The following MGST1 variants were observed in gnomAD, a reference collection of about 807,000 sequenced individuals.
MGST1 encodes the protein microsomal glutathione S-transferase 1.
Under a neutral mutation model 8.9 loss-of-function variants are expected in MGST1, and 5 were observed. The ratio of observed to expected loss-of-function variants is 0.56; its 90% confidence interval spans 0.29 to 1.19. The LOEUF is 1.19. MGST1 is among the 50% of genes most tolerant of loss of function. MGST1 has a pLI of 0.08. For missense variants in MGST1, 182 were observed against 187.4 expected, an observed-to-expected ratio of 0.97 and a Z score of 0.17; for synonymous variants, 54 against 67.8, an observed-to-expected ratio of 0.80 and a Z score of 1.00.
chr12:16,442,815 T>G (rs564330852), downstream of MGST1, among the ~76,000 whole-genome samples: 13 of 151,800 alleles, frequency 8.6e-5, no homozygotes, highest in Admixed American at 3.9e-4. This position sits in a 1 kb window ranked among gnomAD's most constrained non-coding sequence, Gnocchi z 4.5. Context: ...GGTCTGCTTG[T>G]TTTTATCAGT....
downstream of MGST1, among the ~76,000 whole-genome samples, chr12:16,441,917 A>C (rs1353289837): frequency 1.3e-5 from 2 of 151,828 alleles, no homozygotes; most frequent in Non-Finnish European, 2.9e-5. Flanking sequence ...CTGTCTTGCA[A>C]AGTGGCTGTA....
chr12:16,467,455 CATATT>C (rs1404398379), intron 4 of MGST1, among the ~76,000 whole-genome samples: 3 of 152,132 alleles, frequency 2.0e-5, no homozygotes, highest in African/African-American at 7.2e-5. Context: ...AACTGTGACT[CATATT>C]ATACAGAACT....
In MGST1 at chr12:16,494,563, T is replaced by A. The variant is rs1941458421; in HGVS notation, n.483-94965T>A. On this transcript the variant is annotated intron_variant and non_coding_transcript_variant, in intron 4 of 4. Transcript: ENST00000538857. ...ACATTGACAAAATGTTTAATTAACA[T>A]TTAGTTATAATTAAAGTTATATAAA... Among the ~76,000 whole-genome samples the A allele has an allele frequency of 3.3e-5, 5 of 152,286 alleles. No homozygotes were observed. The South Asian group carries it at 8.3e-4, about 25-fold the overall frequency.
Position 16,582,743 on chromosome 12 carries a change from C to T in MGST1, n.483-6785C>T, listed in dbSNP as rs73322838. 3.2e-3 allele frequency among the ~76,000 whole-genome samples: 490 copies of T among 152,214 alleles called. No individual in the cohort carries two copies. Among genetic ancestry groups the T allele is most frequent in the African/African-American group, 0.011 (437 of 41,534 alleles). On this transcript the variant is annotated intron_variant and non_coding_transcript_variant, in intron 4 of 4. Coordinates refer to the MGST1 transcript ENST00000538857. This position sits in a 1 kb window ranked among gnomAD's most constrained non-coding sequence, Gnocchi z 4.1. ...TTTTAAGTATCTGATTGGGATGAGACGCCCAGAAAAGAATCAGAACTAGGC... is the reference window on the plus strand; with the variant it reads ...TTTTAAGTATCTGATTGGGATGAGATGCCCAGAAAAGAATCAGAACTAGGC...
At chr12:16,414,605 CG>C (rs1368135003) in intron 1 of MGST1, among the ~76,000 whole-genome samples, 1 of 151,406 alleles carries the variant, frequency 6.6e-6, no homozygotes, top group Non-Finnish European at 1.5e-5. Context: ...TTAGTAGAGA[CG>C]GGGTTTCATC....
Position 16,485,085 on chromosome 12 carries a change from C to G in MGST1, n.482+101481C>G, listed in dbSNP as rs145123926. ...AGTTGTTTTCAAACATTATTGTATT[C>G]CCTCAGCTGTCATTTACTCTGTTGA... On this transcript the variant is annotated intron_variant and non_coding_transcript_variant, in intron 4 of 4. Coordinates refer to the MGST1 transcript ENST00000538857. Among the ~76,000 whole-genome samples, 446 of 152,294 alleles carry G rather than the reference C, an allele frequency of 2.9e-3. 2 individuals carry two copies. Among genetic ancestry groups the G allele is most frequent in the Middle Eastern group, 0.014 (4 of 294 alleles).
rs1565473789 is a variant in MGST1, at chr12:16,548,366, A to G, written n.483-41162A>G. On this transcript the variant is annotated intron_variant and non_coding_transcript_variant, in intron 4 of 4. Transcript: ENST00000538857. The surrounding 1 kb of genome is among the most constrained non-coding windows in gnomAD (Gnocchi z 4.2). ...TCTTAAATTTTGCCAATTAAGTGCAATCAAATAGTGTAACACCCCTTTTAT... is the reference window on the plus strand; with the variant it reads ...TCTTAAATTTTGCCAATTAAGTGCAGTCAAATAGTGTAACACCCCTTTTAT... 2 of 152,118 alleles carry G rather than the reference A, an allele frequency of 1.3e-5. No individual in the cohort carries two copies. The highest frequency in any genetic ancestry group is 2.9e-5 in the Non-Finnish European group (2 of 67,998). The allele number at this position is 152,118 out of a possible 1,614,324, so 9.4% of individuals were successfully genotyped here.
intron 4 of MGST1, among the ~76,000 whole-genome samples, chr12:16,588,480 G>A (rs1257151429): frequency 6.6e-6 from 1 of 151,796 alleles, no homozygotes; most frequent in East Asian, 1.9e-4. Flanking sequence ...TGCTTTACAA[G>A]GCCATAGAAC....
chr12:16,570,488 A>G (rs1355225988), intron 4 of MGST1, among the ~76,000 whole-genome samples: 1 of 152,288 alleles, frequency 6.6e-6, no homozygotes, highest in East Asian at 1.9e-4. Flanking sequence ...GAAAAGAAGC[A>G]TTATAGGAAA....
intron 1 of MGST1, among the ~76,000 whole-genome samples, chr12:16,350,379 T>C (rs765783227): frequency 2.6e-5 from 4 of 152,246 alleles, no homozygotes; most frequent in African/African-American, 9.6e-5. Flanking sequence ...TGATTGATCA[T>C]TGTAAATATT....
At chr12:16,432,725 C>G (rs201110311) in intron 1 of MGST1, among the ~76,000 whole-genome samples, 2,567 of 99,864 alleles carry the variant, frequency 0.026, 52 homozygotes, top group East Asian at 0.1. Flanking sequence ...CACACACACA[C>G]ACACACAGAG....
At position 16,413,502 on chromosome 12, in the gene MGST1, A is replaced by G. The variant is rs1940760014; in HGVS notation, n.779-23886A>G. Among the ~76,000 whole-genome samples the G allele has an allele frequency of 6.6e-6, 1 of 152,114 alleles. No individual in the cohort carries two copies. Among genetic ancestry groups the G allele is most frequent in the South Asian group, 2.1e-4 (1 of 4,806 alleles). On this transcript the variant is annotated intron_variant and non_coding_transcript_variant, in intron 1 of 1. Coordinates refer to the MGST1 transcript ENST00000359720. This position sits in a 1 kb window ranked among gnomAD's most constrained non-coding sequence, Gnocchi z 4.0. ...AGGTAAGTGGTGGTATGGAGTTGAA[A>G]GAGAATTCTCCCAGCATCCGTATCT...
intron 4 of MGST1, among the ~76,000 whole-genome samples, chr12:16,453,302 C>T (rs543844739): frequency 6.6e-6 from 1 of 152,022 alleles, no homozygotes; most frequent in East Asian, 1.9e-4. Context: ...CTGTTAAATT[C>T]TGAAGCTTTT....
intron 1 of MGST1, among the ~76,000 whole-genome samples, chr12:16,394,174 G>C (rs1181898602): frequency 6.6e-6 from 1 of 152,152 alleles, no homozygotes; most frequent in African/African-American, 2.4e-5. Context: ...ATCAACACTT[G>C]ATGCTGTTAG....
chr12:16,431,048 G>A (rs1477788822), intron 1 of MGST1, among the ~76,000 whole-genome samples: 1 of 152,192 alleles, frequency 6.6e-6, no homozygotes, highest in Non-Finnish European at 1.5e-5. Context: ...TGCACTTTAT[G>A]TTATTAACAT....
chr12:16,528,948 T>C (rs541129759), intron 4 of MGST1, among the ~76,000 whole-genome samples: 87 of 152,156 alleles, frequency 5.7e-4, no homozygotes, highest in African/African-American at 2.1e-3. Flanking sequence ...ATAATTAGAC[T>C]TACTTTGTTA....
intron 4 of MGST1, among the ~76,000 whole-genome samples, chr12:16,583,357 A>G (rs978738612): frequency 6.6e-6 from 1 of 152,162 alleles, no homozygotes; most frequent in Non-Finnish European, 1.5e-5. Context: ...ACAGTAACAT[A>G]AATTTGAGGG....
At chr12:16,495,421 AC>A (rs1419151460) in intron 4 of MGST1, among the ~76,000 whole-genome samples, 1 of 152,130 alleles carries the variant, frequency 6.6e-6, no homozygotes, top group Non-Finnish European at 1.5e-5. Context: ...TGCACAATAT[AC>A]CCAGGAAACA....
rs1167799916 is a variant in MGST1 at position 16,458,012 on chromosome 12, T to A, written n.482+74408T>A. Among the ~76,000 whole-genome samples the A allele has an allele frequency of 6.6e-6, 1 of 152,040 alleles. No individual in the cohort carries two copies. The highest frequency in any genetic ancestry group is 1.5e-5 in the Non-Finnish European group (1 of 67,954). The stretch of plus-strand genomic sequence containing the variant: ...ACTTAATTTTTCCCTAGGAAAGCTT[T>A]TGCTTGCCCTAGCAATATTATAACT... On this transcript the variant is annotated intron_variant and non_coding_transcript_variant, in intron 4 of 4. Transcript: ENST00000538857. The surrounding 1 kb of genome is among the most constrained non-coding windows in gnomAD (Gnocchi z 4.0).
Sources: gnomAD v4.1 joint callset for allele counts (sites outside exome capture counted in the v4.1 genomes callset) on GRCh38, gnomAD v4.1.1 for gene constraint, Gnocchi (gnomAD v3.1) non-coding constraint, MANE v1.5 for transcripts, NCBI Gene and HGNC (gene_info 2026-07-23, HGNC 2026-07-21) for gene names.